NAALADL2: variants seen among roughly 807,000 people sequenced by gnomAD.
The protein encoded by NAALADL2 is inactive N-acetylated-alpha-linked acidic dipeptidase-like protein 2.
NAALADL2 carries 76 observed loss-of-function variants against 87.2 expected under a neutral mutation model. That is an observed-to-expected ratio of 0.87 (90% CI 0.72 to 1.05). The LOEUF is 1.05. Ranked by LOEUF, NAALADL2 falls within the 50% of genes least tolerant of loss-of-function variation. The probability of loss-of-function intolerance (pLI) is 0.00; values close to 1 mark genes in which losing one functional copy is unlikely to be tolerated. For missense variants in NAALADL2, 1,089 were observed against 945.8 expected (o/e 1.15, Z -1.99); for synonymous variants, 354 against 331.0 (o/e 1.07, Z -0.75).
chr3:174,601,859 C>T lies in NAALADL2; in HGVS notation c.-115+51222C>T, dbSNP rs184450737. ...ACATGGGTCTAGTTTCGTTCTTCTG[C>T]ATATGGATATCTAGGTTTTCTAACA... is the stretch of plus-strand genomic sequence containing the variant. On this transcript the variant is annotated intron_variant, in intron 2 of 3. Transcript: ENST00000434257. 8.0e-3 allele frequency among the ~76,000 whole-genome samples: 1,220 copies of T among 152,244 alleles called. 10 individuals carry two copies. Among genetic ancestry groups the T allele is most frequent in the Non-Finnish European group, 0.013 (862 of 67,994 alleles).
chr3:175,783,670 T>A (rs1458698254), intron 13 of NAALADL2, among the ~76,000 whole-genome samples: 3 of 151,942 alleles, frequency 2.0e-5, no homozygotes, highest in Non-Finnish European at 4.4e-5. Context: ...TGACTTCCTC[T>A]TTTCCTAATT....
In NAALADL2 at chr3:175,809,691, T is replaced by C. The variant is rs1755016551; in HGVS notation, c.*6488T>C. The C allele has an allele frequency of 6.6e-6, 1 of 151,684 alleles. No individual in the cohort carries two copies. Among genetic ancestry groups the C allele is most frequent in the Admixed American group, 6.6e-5 (1 of 15,180 alleles). 9.4% of individuals were successfully genotyped at this position (151,684 alleles called of 1,614,324 possible). Reference sequence around the variant, plus strand: ...AGTCCAGCCTGTGTAACAGAACCTATCTCAAAAAAAGGAAAAGAAAGTCAC... The same window carrying C: ...AGTCCAGCCTGTGTAACAGAACCTACCTCAAAAAAAGGAAAAGAAAGTCAC... On this transcript the variant is annotated 3_prime_UTR_variant, in exon 14 of 14. Coordinates refer to ENST00000454872, the MANE Select transcript of NAALADL2 (RefSeq NM_207015.3).
chr3:175,374,871 C>T (rs1051550629), intron 5 of NAALADL2, among the ~76,000 whole-genome samples: 15 of 143,098 alleles, frequency 1.0e-4, no homozygotes, highest in South Asian at 2.2e-4. Context: ...GAGACCCTGT[C>T]GCAAATAAAT....
At chr3:175,279,805 T>TGTGC (rs1305267875) in intron 4 of NAALADL2, among the ~76,000 whole-genome samples, 3 of 151,518 alleles carry the variant, frequency 2.0e-5, no homozygotes, top group Non-Finnish European at 2.9e-5. Context: ...TGTGTGTGTG[T>TGTGC]GTGTGTGTGT....
intron 2 of NAALADL2, among the ~76,000 whole-genome samples, chr3:174,595,086 G>T (rs578140555): frequency 6.6e-6 from 1 of 152,002 alleles, no homozygotes; most frequent in African/African-American, 2.4e-5. Context: ...TATTTCTGCG[G>T]CATAAAAACA....
At position 175,488,691 on chromosome 3, in the gene NAALADL2, C is replaced by T. The variant is rs76601337; in HGVS notation, c.1653+16933C>T. On this transcript the variant is annotated intron_variant, in intron 9 of 13. Transcript: ENST00000454872. Reference sequence around the variant, plus strand: ...CCTTTGAGATTGTGCTAAGGCCATACTTCACATGCCTGCTCCATAGAATTC... The same window carrying T: ...CCTTTGAGATTGTGCTAAGGCCATATTTCACATGCCTGCTCCATAGAATTC... Among the ~76,000 whole-genome samples, 877 of 152,300 alleles carry T rather than the reference C, an allele frequency of 5.8e-3. 9 individuals are homozygous for T. Among genetic ancestry groups the T allele is most frequent in the African/African-American group, 0.019 (798 of 41,564 alleles).
intron 5 of NAALADL2, among the ~76,000 whole-genome samples, chr3:175,357,040 A>G (rs564122747): frequency 1.3e-5 from 2 of 152,188 alleles, no homozygotes; most frequent in South Asian, 2.1e-4. Context: ...TTTCCTAGTC[A>G]ATCATTTATC....
At chr3:174,560,822 G>T in intron 2 of NAALADL2, among the ~76,000 whole-genome samples, 1 of 152,022 alleles carries the variant, frequency 6.6e-6, no homozygotes, top group East Asian at 1.9e-4. Flanking sequence ...TCTGCTTTCA[G>T]GTGCTGTTCT....
At chr3:174,589,255 A>G (rs1560075741) in intron 2 of NAALADL2, among the ~76,000 whole-genome samples, 1 of 152,002 alleles carries the variant, frequency 6.6e-6, no homozygotes, top group African/African-American at 2.4e-5. Flanking sequence ...GAGTGTCCCA[A>G]TTTTCCAGGT....
At chr3:175,055,451 C>G (rs1213076161) in intron 1 of NAALADL2, among the ~76,000 whole-genome samples, 9 of 152,200 alleles carry the variant, frequency 5.9e-5, no homozygotes, top group African/African-American at 1.7e-4. Context: ...TGCAGGGGTT[C>G]CCCAGGCAGA....
intron 1 of NAALADL2, among the ~76,000 whole-genome samples, chr3:174,501,728 C>T (rs763630142): frequency 2.2e-4 from 34 of 151,944 alleles, no homozygotes; most frequent in Non-Finnish European, 4.7e-4. Flanking sequence ...ATAGCTGTAG[C>T]ATTTGGAGTG....
intron 9 of NAALADL2, among the ~76,000 whole-genome samples, chr3:175,488,107 A>G (rs1048377606): frequency 6.6e-6 from 1 of 152,204 alleles, no homozygotes; most frequent in African/African-American, 2.4e-5. Flanking sequence ...GTCAGAAAAA[A>G]CATTGCCCTT....
intron 1 of NAALADL2, among the ~76,000 whole-genome samples, chr3:174,543,250 G>A (rs1348375594): frequency 6.6e-6 from 1 of 152,172 alleles, no homozygotes; most frequent in Non-Finnish European, 1.5e-5. Context: ...GCTGGGATTA[G>A]AGGCAAGATG....
chr3:174,461,212 G>A (rs1341934369), intron 1 of NAALADL2, among the ~76,000 whole-genome samples: 1 of 152,006 alleles, frequency 6.6e-6, no homozygotes, highest in Non-Finnish European at 1.5e-5. Context: ...TACCTGAGTT[G>A]TATGCAAAAT....
chr3:174,901,884 C>G (rs1472344681), intron 1 of NAALADL2, among the ~76,000 whole-genome samples: 1 of 152,044 alleles, frequency 6.6e-6, no homozygotes, highest in African/African-American at 2.4e-5. Context: ...TATGTATGGC[C>G]CCAGGATTAG....
rs1754816343 is a variant in NAALADL2, at chr3:175,807,573, A to G, written c.*4370A>G. ...CCTTAGCCACACATTTGCTTAATAG[A>G]AAGGAATTATTTTAAACTACCAATC... On this transcript the variant is annotated 3_prime_UTR_variant, in exon 14 of 14. Coordinates refer to ENST00000454872, the MANE Select transcript of NAALADL2 (RefSeq NM_207015.3). 1 of 151,896 alleles carries G rather than the reference A, an allele frequency of 6.6e-6. No individual in the cohort carries two copies. The allele number at this position is 151,896 out of a possible 1,614,324, so 9.4% of individuals were successfully genotyped here.
chr3:175,792,231 T>G (rs1295340470), intron 13 of NAALADL2, among the ~76,000 whole-genome samples: 1 of 152,200 alleles, frequency 6.6e-6, no homozygotes, highest in African/African-American at 2.4e-5. Flanking sequence ...AGTGCTCCTT[T>G]AAAGCATTAA....
chr3:175,306,382 A>G (rs1443437222), intron 4 of NAALADL2, among the ~76,000 whole-genome samples: 2 of 152,200 alleles, frequency 1.3e-5, no homozygotes. Context: ...TAAAACTACT[A>G]CCGAGTGCCA....
chr3:175,068,581 T>C (rs1201995085), intron 1 of NAALADL2, among the ~76,000 whole-genome samples: 1 of 152,146 alleles, frequency 6.6e-6, no homozygotes, highest in African/African-American at 2.4e-5. Context: ...TGGGGTTCTC[T>C]GTGACTGAGG....
Sources: gnomAD v4.1 joint callset for allele counts (sites outside exome capture counted in the v4.1 genomes callset) on GRCh38, gnomAD v4.1.1 for gene constraint, MANE v1.5 for transcripts, NCBI Gene and HGNC (gene_info 2026-07-23, HGNC 2026-07-21) for gene names.